The following HMCN2 variants were observed in gnomAD, a reference collection of about 807,000 sequenced individuals.
HMCN2 encodes the protein hemicentin-2.
A neutral mutation model predicts 377.5 loss-of-function variants in HMCN2; 325 were observed. That is an observed-to-expected ratio of 0.86 (90% confidence interval 0.79 to 0.94). The LOEUF is 0.94. HMCN2 is among the 40% of genes least tolerant of loss of function. The pLI, the probability that HMCN2 is intolerant of heterozygous loss-of-function variation, is 0.00. For missense variants in HMCN2, 4,543 were observed against 4,725.3 expected (o/e 0.96, Z 1.13); for synonymous variants, 2,007 against 2,046.8 (o/e 0.98, Z 0.53).
intron 34 of HMCN2, among the ~76,000 whole-genome samples, chr9:130,357,406 ATGGATGGATGGATGGAAGGGTGAG>A (rs1277397788): frequency 3.5e-5 from 5 of 143,124 alleles, no homozygotes; most frequent in Non-Finnish European, 7.6e-5. Flanking sequence ...GGATGGAGGG[ATGGATGGATGGATGGAAGGGTGAG>A]TGGATGGATG....
intron 23 of HMCN2, among the ~76,000 whole-genome samples, chr9:130,340,901 C>G (rs940531476): frequency 3.9e-5 from 6 of 152,222 alleles, no homozygotes; most frequent in African/African-American, 1.4e-4. Context: ...TTGAGTCTTT[C>G]AGGAGTGCGT....
At chr9:130,365,806 G>C in intron 42 of HMCN2, 70 bp from the exon 43 acceptor site, 1 of 981,754 alleles carries the variant, frequency 1.0e-6, no homozygotes, top group East Asian at 1.1e-4. Context: ...CCTCCAGCCT[G>C]CCCTCGCCTT....
At chr9:130,348,354 G>A (rs1320103797) in intron 26 of HMCN2, 191 bp from the exon 27 acceptor site, 1 of 778,310 alleles carries the variant, frequency 1.3e-6, no homozygotes, top group Non-Finnish European at 1.6e-6. Context: ...GACTGGGGGT[G>A]TGTGGGTCCC....
rs374007744 is a variant in HMCN2 at position 130,268,657 on chromosome 9, G to A, written c.259+2520G>A. On this transcript the variant is annotated intron_variant, in intron 1 of 97. Coordinates refer to ENST00000683500, the MANE Select transcript of HMCN2 (RefSeq NM_001291815.2). ...AGTGAATGTTTACTGGGTTTTGGCC[G>A]TTTGCCTGGCAGATGCCAGGTGCTG... 2.7e-5 allele frequency among the ~76,000 whole-genome samples: 4 copies of A among 149,474 alleles called. 1 individual carries two copies. The highest frequency in any genetic ancestry group is 4.3e-4 in the South Asian group (2 of 4,662).
intron 60 of HMCN2, 34 bp from the exon 61 acceptor site, chr9:130,386,409 A>G: frequency 7.8e-7 from 1 of 1,282,330 alleles, no homozygotes; most frequent in South Asian, 1.2e-5. Flanking sequence ...TTCCAGCTCC[A>G]GCACACAGCC....
chr9:130,294,250 T>C (rs1021682968), intron 4 of HMCN2, among the ~76,000 whole-genome samples: 1 of 152,190 alleles, frequency 6.6e-6, no homozygotes, highest in African/African-American at 2.4e-5. Flanking sequence ...TTTATCTGAT[T>C]CTCAGTGGCA....
rs1356272052 is a variant in HMCN2, at chr9:130,432,481, C to T, written c.14820C>T (p.Cys4940=). ...ESIECGPGQM[C]FNTRGSYQCV... ...TCGAGTGTGGACCCGGCCAGATGTG[C>T]TTCAACACCCGTGGCAGCTACCAGT... The change falls in exon 97 of 98, where the codon TGC becomes TGT. Residue 4940 remains cysteine (C), a synonymous_variant. Coordinates refer to ENST00000683500, the MANE Select transcript of HMCN2 (RefSeq NM_001291815.2). The T allele has an allele frequency of 1.9e-6, 3 of 1,550,710 alleles. No homozygotes were observed. Among genetic ancestry groups the T allele is most frequent in the African/African-American group, 2.7e-5 (2 of 73,048 alleles).
Position 130,428,378 on chromosome 9 carries a change from G to A in HMCN2, c.14086G>A (p.Asp4696Asn). 1 of 1,547,984 alleles carries A rather than the reference G, an allele frequency of 6.5e-7. No individual in the cohort carries two copies. The highest frequency in any genetic ancestry group is 1.2e-5 in the South Asian group (1 of 84,050). Reference protein sequence around the residue: ...NCRDVDECAWDAHLCREGQRC... With the variant: ...NCRDVDECAWNAHLCREGQRC... Reference sequence around the variant, plus strand: ...CCCAGATGTGGACGAGTGTGCGTGGGATGCTCACCTCTGCCGAGAGGGACA... The same window carrying A: ...CCCAGATGTGGACGAGTGTGCGTGGAATGCTCACCTCTGCCGAGAGGGACA... The change falls in exon 93 of 98, where the codon GAT becomes AAT. Residue 4696 changes from aspartate (D) to asparagine (N), a missense_variant. Asp to Asn is a conservative substitution (Grantham distance 23, BLOSUM62 1). Around this residue, in one of 5 missense-constraint regions of HMCN2, gnomAD observed 1,155 missense variants for 1,157.7 expected, o/e 1.00. Transcript: ENST00000683500. The surrounding 1 kb of genome is among the most constrained non-coding windows in gnomAD (Gnocchi z 5.0).
intron 54 of HMCN2, among the ~76,000 whole-genome samples, chr9:130,380,061 A>C (rs1841621965): frequency 6.6e-6 from 1 of 152,100 alleles, no homozygotes; most frequent in African/African-American, 2.4e-5. Flanking sequence ...TTTTTAGTAC[A>C]GATGGGGTTT....
At position 130,395,100 on chromosome 9, in the gene HMCN2, G is replaced by A. The variant is rs570065938; in HGVS notation, c.10766G>A (p.Arg3589Lys). The A allele has an allele frequency of 7.8e-7, 1 of 1,282,228 alleles. No homozygotes were observed. The highest frequency in any genetic ancestry group is 1.5e-5 in the African/African-American group (1 of 65,210). 79.4% of individuals were successfully genotyped at this position (1,282,228 alleles called of 1,614,324 possible). Reference sequence around the variant, plus strand: ...GCAATTGAGAAGAGCTTCCGGGTCAGGGTTCAAGGTAGGTGGTGGGGGTGG... The same window carrying A: ...GCAATTGAGAAGAGCTTCCGGGTCAAGGTTCAAGGTAGGTGGTGGGGGTGG... ...AGAIEKSFRV[R>K]VQAPPNIVGP... The change falls in exon 70 of 98, where the codon AGG (arginine) becomes AAG (lysine). Residue 3589 changes from arginine (R) to lysine (K), a missense_variant. This residue lies in a region of HMCN2 where 1,073 missense variants were observed against 1,319.5 expected (regional missense o/e 0.81). Transcript: ENST00000683500.
intron 83 of HMCN2, among the ~76,000 whole-genome samples, chr9:130,408,158 A>G (rs1019852833): frequency 4.6e-5 from 7 of 152,022 alleles, no homozygotes; most frequent in African/African-American, 1.7e-4. Context: ...AGTTTGCACA[A>G]CCTCAGGATG....
At chr9:130,430,802 C>A in intron 95 of HMCN2, 198 bp downstream of exon 95, 1 of 590,650 alleles carries the variant, frequency 1.7e-6, no homozygotes. Context: ...AGGGGGCTTC[C>A]AAGATGGTGT....
rs782028158 is a variant in HMCN2, at chr9:130,295,759, T to C, written c.878T>C (p.Leu293Pro). The C allele has an allele frequency of 2.1e-6, 1 of 470,874 alleles. No individual in the cohort carries two copies. The highest frequency in any genetic ancestry group is 2.0e-5 in the African/African-American group (1 of 50,070). The allele number at this position is 470,874 out of a possible 1,614,324, so 29.2% of individuals were successfully genotyped here. The change falls in exon 6 of 98, where the codon CTG (leucine) becomes CCG (proline). Residue 293 changes from leucine (L) to proline (P), a missense_variant. By Grantham distance (98) the Leu-to-Pro change is moderately conservative (BLOSUM62 -3). Around this residue, in one of 5 missense-constraint regions of HMCN2, gnomAD observed 547 missense variants for 189.9 expected, o/e 2.88. Transcript: ENST00000683500. Reference protein sequence around the residue: ...VVAFKPEHPGLWSIKVYSSGR... With the variant: ...VVAFKPEHPGPWSIKVYSSGR... ...GCCTTTAAGCCTGAGCATCCGGGGC[T>C]GTGGTCCATCAAGGTAGGGGCACTG...
intron 56 of HMCN2, among the ~76,000 whole-genome samples, 162 bp from the exon 57 acceptor site, chr9:130,383,342 G>C (rs548785045): frequency 6.6e-6 from 1 of 152,138 alleles, no homozygotes; most frequent in African/African-American, 2.4e-5. Flanking sequence ...GCTCCTGAGC[G>C]CCACACAAGG....
At position 130,403,765 on chromosome 9, in the gene HMCN2, G is replaced by A. The variant is rs1307707668; in HGVS notation, c.12038G>A (p.Gly4013Asp). The stretch of plus-strand genomic sequence containing the variant: ...GGAGTGAGTACCCAGGTCCTACCAG[G>A]CGGACAGCTGCGGATTGCCCATGCC... ...ATGVSTQVLP[G>D]GQLRIAHASP... Residue 4013 changes from glycine (G) to aspartate (D), a missense_variant, in exon 80 of 98, where the codon GGC (glycine) becomes GAC (aspartate). Physicochemically the swap from Gly to Asp is moderately conservative, Grantham distance 94 (BLOSUM62 -1). This residue lies in a region of HMCN2 where 1,073 missense variants were observed against 1,319.5 expected (regional missense o/e 0.81). Transcript: ENST00000683500. 7.8e-7 allele frequency: 1 copy of A among 1,289,818 alleles called. No individual in the cohort carries two copies. Among genetic ancestry groups the A allele is most frequent in the Admixed American group, 2.3e-5 (1 of 43,568 alleles). 79.9% of individuals were successfully genotyped at this position (1,289,818 alleles called of 1,614,324 possible).
chr9:130,414,873 C>T lies in HMCN2; in HGVS notation c.12962-3899C>T, dbSNP rs571332016. Among the ~76,000 whole-genome samples the T allele has an allele frequency of 1.3e-5, 2 of 152,140 alleles. No homozygotes were observed. The highest frequency in any genetic ancestry group is 3.9e-4 in the East Asian group (2 of 5,154). ...CAAATGATCCACCTGCCTCAGCCTC[C>T]CAAAGTGGTGGGATTACAGGCATGA... On this transcript the variant is annotated intron_variant, in intron 85 of 97. Coordinates refer to ENST00000683500, the MANE Select transcript of HMCN2 (RefSeq NM_001291815.2). The surrounding 1 kb of genome is among the most constrained non-coding windows in gnomAD (Gnocchi z 4.4).
Position 130,395,315 on chromosome 9 carries a change from A to G in HMCN2, c.10879A>G (p.Ile3627Val), listed in dbSNP as rs761824676. 7.7e-5 allele frequency: 99 copies of G among 1,289,144 alleles called. 1 individual carries two copies. The South Asian group carries it at 1.1e-3, about 15-fold the overall frequency. 79.9% of individuals were successfully genotyped at this position (1,289,144 alleles called of 1,614,324 possible). Residue 3627 changes from isoleucine to valine, a missense_variant, in exon 71 of 98, where the codon ATC becomes GTC. By Grantham distance (29) the Ile-to-Val change is conservative (BLOSUM62 3). This residue lies in a region of HMCN2 where 1,073 missense variants were observed against 1,319.5 expected (regional missense o/e 0.81). Coordinates refer to ENST00000683500, the MANE Select transcript of HMCN2 (RefSeq NM_001291815.2). ...GGTGGAGGCAGAGCCAGCGCCCAAG[A>G]TCACGTGGCACCGAGACGGCATTGT... ...CSVEAEPAPKITWHRDGIVLQ... is the reference protein window; with the variant it reads ...CSVEAEPAPKVTWHRDGIVLQ...
intron 15 of HMCN2, among the ~76,000 whole-genome samples, chr9:130,313,186 C>T (rs1244198450): frequency 6.8e-6 from 1 of 146,838 alleles, no homozygotes. Flanking sequence ...AATTTCCTGC[C>T]TATCTGGGTG....
chr9:130,419,776 C>A (rs140358545), intron 86 of HMCN2, among the ~76,000 whole-genome samples: 1 of 152,066 alleles, frequency 6.6e-6, no homozygotes, highest in Non-Finnish European at 1.5e-5. Context: ...TCACCACATG[C>A]GTTGGCAGAA....
Sources: gnomAD v4.1 joint callset for allele counts (sites outside exome capture counted in the v4.1 genomes callset) on GRCh38, gnomAD v4.1.1 for gene constraint, gnomAD v4.1.1 regional missense constraint, Gnocchi (gnomAD v3.1) non-coding constraint, MANE v1.5 for transcripts, NCBI Gene and HGNC (gene_info 2026-07-23, HGNC 2026-07-21) for gene names.